Variants in TNFRSF13B observed in about 807,000 individuals in gnomAD.
TNFRSF13B encodes the protein tumor necrosis factor receptor superfamily member 13B.
In TNFRSF13B, 34 loss-of-function variants were observed where a neutral mutation model predicts 24.0. The ratio of observed to expected loss-of-function variants is 1.41; its 90% CI spans 1.08 to 1.88. The LOEUF (loss-of-function observed/expected upper bound fraction) is 1.88. TNFRSF13B is among the 40% of genes most tolerant of loss of function. The pLI is 0.00. For synonymous variants in TNFRSF13B, 173 were observed against 150.3 expected (o/e 1.15, Z -1.10); for missense variants, 415 against 380.8 (o/e 1.09, Z -0.75).
At chr17:16,944,750 A>G (rs2087535732) in intron 3 of TNFRSF13B, among the ~76,000 whole-genome samples, 2 of 152,118 alleles carry the variant, frequency 1.3e-5, no homozygotes, top group South Asian at 2.1e-4. Context: ...CCCACTAAGG[A>G]GTGGCAGTTC....
intron 3 of TNFRSF13B, among the ~76,000 whole-genome samples, chr17:16,944,589 C>T (rs547758066): frequency 6.6e-6 from 1 of 152,284 alleles, no homozygotes; most frequent in East Asian, 1.9e-4. Context: ...AGCTGGGTTA[C>T]GTGGCTCCCG....
At position 16,952,540 on chromosome 17, in the gene TNFRSF13B, G is replaced by A. The variant is rs200868537; in HGVS notation, c.105C>T (p.Pro35=). Residue 35 remains proline, a synonymous_variant, in exon 2 of 5, where the codon CCC becomes CCT. Coordinates refer to ENST00000261652, the MANE Select transcript of TNFRSF13B (RefSeq NM_012452.3). ...GCAGAGGATCCCAGTACTGCTCTTC[G>A]GGGCAGGATCTCATAGCCACCCCCG... ...LWTGVAMRSC[P]EEQYWDPLLG... is the part of the protein sequence containing the mutation. The A allele has an allele frequency of 1.1e-4, 181 of 1,614,160 alleles. No individual in the cohort carries two copies. The highest frequency in any genetic ancestry group is 1.4e-4 in the Non-Finnish European group (162 of 1,180,012).
chr17:16,940,097 A>G (rs2087498224), intron 4 of TNFRSF13B: 1 of 1,239,672 alleles, frequency 8.1e-7, no homozygotes, highest in African/African-American at 1.5e-5. Context: ...TCCTGGGCCC[A>G]GGCAAACCTG....
chr17:16,941,056 C>A, intron 3 of TNFRSF13B: 1 of 609,654 alleles, frequency 1.6e-6, no homozygotes, highest in Non-Finnish European at 2.1e-6. Flanking sequence ...AGAGTCATCT[C>A]TAGATTACTT....
intron 1 of TNFRSF13B, among the ~76,000 whole-genome samples, chr17:16,969,797 C>A (rs2087731043): frequency 6.6e-6 from 1 of 152,102 alleles, no homozygotes. Context: ...GGTTTCAAAC[C>A]ATCTGACTAT....
At chr17:16,953,370 T>G (rs1482090360) in intron 1 of TNFRSF13B, among the ~76,000 whole-genome samples, 1 of 152,132 alleles carries the variant, frequency 6.6e-6, no homozygotes, top group African/African-American at 2.4e-5. Flanking sequence ...GTGTGTAAAG[T>G]GCACAAAAAG....
chr17:16,971,298 G>T (rs991539994), intron 1 of TNFRSF13B, among the ~76,000 whole-genome samples: 1 of 151,994 alleles, frequency 6.6e-6, no homozygotes, highest in Non-Finnish European at 1.5e-5. Flanking sequence ...GCAGAAAGCC[G>T]AGATCATGCC....
chr17:16,969,779 A>G (rs1430362216), intron 1 of TNFRSF13B, among the ~76,000 whole-genome samples: 1 of 152,170 alleles, frequency 6.6e-6, no homozygotes, highest in Non-Finnish European at 1.5e-5. Context: ...ATCTTTCAAT[A>G]CTTTCTGGGT....
chr17:16,968,633 C>G (rs2143691055), intron 1 of TNFRSF13B, among the ~76,000 whole-genome samples: 1 of 152,280 alleles, frequency 6.6e-6, no homozygotes, highest in African/African-American at 2.4e-5. Flanking sequence ...AGAAGTAAAT[C>G]TTCATGATTT....
intron 2 of TNFRSF13B, 49 bp downstream of exon 2, chr17:16,952,397 A>C: frequency 6.2e-7 from 1 of 1,612,764 alleles, no homozygotes; most frequent in Non-Finnish European, 8.5e-7. Flanking sequence ...CTAGGGAGAA[A>C]GGAGGAGGGT....
At chr17:16,968,033 C>A (rs967855600) in intron 1 of TNFRSF13B, among the ~76,000 whole-genome samples, 1 of 148,790 alleles carries the variant, frequency 6.7e-6, no homozygotes, top group African/African-American at 2.5e-5. Flanking sequence ...TCCAGCTACT[C>A]GGGATGCTGA....
chr17:16,942,355 C>T (rs1008989454), intron 3 of TNFRSF13B, among the ~76,000 whole-genome samples: 5 of 152,326 alleles, frequency 3.3e-5, no homozygotes, highest in Admixed American at 2.6e-4. Flanking sequence ...GTCTTCCTCA[C>T]ACACGCTTTT....
At chr17:16,950,690 AG>A (rs1241227265) in intron 2 of TNFRSF13B, among the ~76,000 whole-genome samples, 2 of 152,052 alleles carry the variant, frequency 1.3e-5, no homozygotes, top group East Asian at 3.9e-4. Flanking sequence ...GTGCTGTTGC[AG>A]GTGGTGCCTG....
chr17:16,952,712 G>A, intron 1 of TNFRSF13B, 129 bp from the exon 2 acceptor site: 1 of 1,437,790 alleles, frequency 7.0e-7, no homozygotes, highest in African/African-American at 1.4e-5. Flanking sequence ...GGAGCAGAGA[G>A]GGCAGACAAA....
rs1434168425 is a variant in TNFRSF13B, at chr17:16,952,591, A to G, written c.62-8T>C. The G allele has an allele frequency of 1.2e-6, 2 of 1,614,146 alleles. No individual in the cohort carries two copies. Among genetic ancestry groups the G allele is most frequent in the Non-Finnish European group, 1.7e-6 (2 of 1,180,008 alleles). On this transcript the variant is annotated splice_polypyrimidine_tract_variant and splice_region_variant and intron_variant, in intron 1 of 4. Transcript: ENST00000261652. The stretch of plus-strand genomic sequence containing the variant: ...TCCACAGGCCCTGTGGAACTGAGAG[A>G]CCAGGAGAGTGAGGGCAGCTGGCAG...
intron 1 of TNFRSF13B, among the ~76,000 whole-genome samples, chr17:16,958,353 G>T (rs2087638683): frequency 1.3e-5 from 2 of 151,730 alleles, no homozygotes; most frequent in South Asian, 4.2e-4. Context: ...ATATATAAAT[G>T]GCTGAAGTAA....
chr17:16,946,596 A>ATTTT (rs869159793), intron 3 of TNFRSF13B, among the ~76,000 whole-genome samples: 2 of 136,216 alleles, frequency 1.5e-5, no homozygotes, highest in Non-Finnish European at 3.2e-5. Flanking sequence ...TTATTTATTT[A>ATTTT]TTTTTTTTTG....
chr17:16,963,327 G>GGCCAATTC (rs758228466), intron 1 of TNFRSF13B, among the ~76,000 whole-genome samples: 1 of 152,112 alleles, frequency 6.6e-6, no homozygotes, highest in Non-Finnish European at 1.5e-5. Context: ...AAATTTTAGG[G>GGCCAATTC]GCCAATTCCT....
At chr17:16,970,680 C>G (rs1015207586) in intron 1 of TNFRSF13B, among the ~76,000 whole-genome samples, 1 of 152,088 alleles carries the variant, frequency 6.6e-6, no homozygotes, top group South Asian at 2.1e-4. Flanking sequence ...AGTGGACAAC[C>G]GGCCAGGGCT....
Sources: gnomAD v4.1 joint callset for allele counts (sites outside exome capture counted in the v4.1 genomes callset) on GRCh38, gnomAD v4.1.1 for gene constraint, MANE v1.5 for transcripts, NCBI Gene and HGNC (gene_info 2026-07-23, HGNC 2026-07-21) for gene names.